ANKRD12: variants seen among roughly 807,000 people sequenced by gnomAD.
The protein encoded by ANKRD12 is ankyrin repeat domain-containing protein 12.
Under a neutral mutation model 183.4 loss-of-function variants are expected in ANKRD12, and 85 were observed. The ratio of observed to expected loss-of-function variants is 0.46; its 90% CI spans 0.39 to 0.56. The LOEUF (loss-of-function observed/expected upper bound fraction) is 0.56. Ranked by LOEUF, ANKRD12 falls within the 20% of genes least tolerant of loss-of-function variation. The probability of loss-of-function intolerance (pLI) is 0.00; values close to 1 mark genes in which losing one functional copy is unlikely to be tolerated. For synonymous variants in ANKRD12, 914 were observed against 800.2 expected, an observed-to-expected ratio of 1.14 and a Z score of -2.40; for missense variants, 2,405 against 2,357.1, an observed-to-expected ratio of 1.02 and a Z score of -0.42.
intron 10 of ANKRD12, among the ~76,000 whole-genome samples, chr18:9,265,628 C>T (rs1035767317): frequency 1.3e-5 from 2 of 152,092 alleles, no homozygotes; most frequent in African/African-American, 4.8e-5. Flanking sequence ...ATCAGTATGT[C>T]ACCCATCATC....
chr18:9,156,053 G>A (rs753048573), intron 1 of ANKRD12, among the ~76,000 whole-genome samples: 5 of 146,662 alleles, frequency 3.4e-5, no homozygotes, highest in African/African-American at 7.5e-5. Flanking sequence ...GAGAATCGCC[G>A]CTTGAACTGG....
Position 9,255,766 on chromosome 18 carries a change from T to G in ANKRD12, c.2499T>G (p.Ile833Met), listed in dbSNP as rs747806297. The G allele has an allele frequency of 6.3e-7, 1 of 1,577,776 alleles. No homozygotes were observed. Residue 833 changes from isoleucine (I) to methionine (M), a missense_variant, in exon 9 of 13, where the codon ATT becomes ATG. Ile to Met is a conservative substitution (Grantham distance 10, BLOSUM62 1). This residue lies in a region of ANKRD12 where 1,983 missense variants were observed against 1,725.9 expected (regional missense o/e 1.15). Coordinates refer to ENST00000262126, the MANE Select transcript of ANKRD12 (RefSeq NM_015208.5). ...EKRSQIKEKD[I>M]EKMERKTFEK... Reference sequence around the variant, plus strand: ...GATCTCAAATTAAAGAAAAGGACATTGAGAAGATGGAAAGAAAAACCTTTG... The same window carrying G: ...GATCTCAAATTAAAGAAAAGGACATGGAGAAGATGGAAAGAAAAACCTTTG...
chr18:9,140,872 G>C (rs973312605), intron 1 of ANKRD12, among the ~76,000 whole-genome samples: 1 of 152,062 alleles, frequency 6.6e-6, no homozygotes, highest in African/African-American at 2.4e-5. Context: ...CTTAGAATAT[G>C]CAAATTTGTG....
At chr18:9,138,914 G>A (rs1444132778) in intron 1 of ANKRD12, among the ~76,000 whole-genome samples, 1 of 152,194 alleles carries the variant, frequency 6.6e-6, no homozygotes, top group Non-Finnish European at 1.5e-5. Context: ...CTAAGGTCAA[G>A]TTTAACTCGT....
chr18:9,156,137 C>CAAAAAA (rs34154495), intron 1 of ANKRD12, among the ~76,000 whole-genome samples: 8 of 104,054 alleles, frequency 7.7e-5, no homozygotes, highest in East Asian at 2.7e-4. Flanking sequence ...GACTCTGTCT[C>CAAAAAA]AAAAAAAAAA....
In ANKRD12 at chr18:9,178,826, T is replaced by C. The variant is rs1024663138; in HGVS notation, c.-51-3556T>C. Reference sequence around the variant, plus strand: ...ATATTTAGATCTTTTTTCACTTCTTTCCAAAGTGTTTTTGTATTTGTCATT... The same window carrying C: ...ATATTTAGATCTTTTTTCACTTCTTCCCAAAGTGTTTTTGTATTTGTCATT... On this transcript the variant is annotated intron_variant, in intron 1 of 12. Transcript: ENST00000262126. Among the ~76,000 whole-genome samples the C allele has an allele frequency of 5.3e-5, 8 of 152,200 alleles. No homozygotes were observed. The East Asian group carries it at 1.5e-3, about 29-fold the overall frequency.
At chr18:9,142,000 A>G (rs930777667) in intron 1 of ANKRD12, among the ~76,000 whole-genome samples, 1 of 152,150 alleles carries the variant, frequency 6.6e-6, no homozygotes, top group Non-Finnish European at 1.5e-5. Context: ...GACCTCAAAC[A>G]GTCCTCCTGC....
At chr18:9,170,871 A>G (rs1472017792) in intron 1 of ANKRD12, among the ~76,000 whole-genome samples, 1 of 152,126 alleles carries the variant, frequency 6.6e-6, no homozygotes, top group Non-Finnish European at 1.5e-5. Context: ...GGTGACGTAC[A>G]GATGGGTTTT....
intron 7 of ANKRD12, among the ~76,000 whole-genome samples, chr18:9,217,890 T>C (rs1374515949): frequency 6.6e-6 from 1 of 152,144 alleles, no homozygotes; most frequent in African/African-American, 2.4e-5. Flanking sequence ...GATGCACTTG[T>C]AGATAGATGG....
At chr18:9,170,868 T>G (rs936586227) in intron 1 of ANKRD12, among the ~76,000 whole-genome samples, 1 of 152,212 alleles carries the variant, frequency 6.6e-6, no homozygotes, top group Non-Finnish European at 1.5e-5. Flanking sequence ...GATGGTGACG[T>G]ACAGATGGGT....
chr18:9,173,628 A>AGGGGGGGGGG (rs775694472), intron 1 of ANKRD12, among the ~76,000 whole-genome samples: 2 of 51,254 alleles, frequency 3.9e-5, no homozygotes, highest in African/African-American at 1.5e-4. Flanking sequence ...GGGGGGGGGT[A>AGGGGGGGGGG]GGGGGGGCAG....
intron 2 of ANKRD12, among the ~76,000 whole-genome samples, chr18:9,188,461 A>C (rs867898772): frequency 6.6e-6 from 1 of 152,234 alleles, no homozygotes; most frequent in African/African-American, 2.4e-5. Flanking sequence ...TGCTCGCAAC[A>C]TGTGCAAAAA....
intron 10 of ANKRD12, among the ~76,000 whole-genome samples, chr18:9,271,248 A>G (rs2145412012): frequency 6.6e-6 from 1 of 152,200 alleles, no homozygotes; most frequent in Middle Eastern, 3.4e-3. Context: ...ATTTTTTAAA[A>G]AAATTTTTGC....
At chr18:9,177,052 A>G (rs1161190711) in intron 1 of ANKRD12, among the ~76,000 whole-genome samples, 1 of 152,238 alleles carries the variant, frequency 6.6e-6, no homozygotes, top group African/African-American at 2.4e-5. Flanking sequence ...AATAGAATCT[A>G]TAAACTGCAT....
At chr18:9,206,008 T>TA (rs1180424707) in intron 4 of ANKRD12, among the ~76,000 whole-genome samples, 1 of 152,092 alleles carries the variant, frequency 6.6e-6, no homozygotes, top group Non-Finnish European at 1.5e-5. Flanking sequence ...TGGCAAGACC[T>TA]AAAAAGAAAG....
At chr18:9,236,794 T>G (rs2037372924) in intron 8 of ANKRD12, among the ~76,000 whole-genome samples, 1 of 152,140 alleles carries the variant, frequency 6.6e-6, no homozygotes, top group Admixed American at 6.5e-5. Flanking sequence ...AGCTTCAGAT[T>G]GATTTGATGA....
intron 1 of ANKRD12, among the ~76,000 whole-genome samples, chr18:9,139,090 G>A (rs2078228808): frequency 6.6e-6 from 1 of 152,168 alleles, no homozygotes; most frequent in South Asian, 2.1e-4. Context: ...TATGAACTAC[G>A]CAGAACTGGG....
chr18:9,175,218 T>A (rs937835514), intron 1 of ANKRD12, among the ~76,000 whole-genome samples: 4 of 152,166 alleles, frequency 2.6e-5, no homozygotes, highest in Admixed American at 2.0e-4. Flanking sequence ...ATAGACTTTC[T>A]GTAGTTGGAA....
chr18:9,270,671 A>G (rs1468850625), intron 10 of ANKRD12, among the ~76,000 whole-genome samples: 1 of 152,216 alleles, frequency 6.6e-6, no homozygotes, highest in Non-Finnish European at 1.5e-5. Flanking sequence ...ATATTAAATG[A>G]TGAGTTCATG....
Sources: gnomAD v4.1 joint callset for allele counts (sites outside exome capture counted in the v4.1 genomes callset) on GRCh38, gnomAD v4.1.1 for gene constraint, gnomAD v4.1.1 regional missense constraint, MANE v1.5 for transcripts, NCBI Gene and HGNC (gene_info 2026-07-23, HGNC 2026-07-21) for gene names.